The following CNTNAP2 variants were observed in gnomAD, a reference collection of about 807,000 sequenced individuals.
The protein encoded by CNTNAP2 is contactin associated protein 2, also known as contactin-associated protein-like 2.
CNTNAP2 carries 98 observed loss-of-function variants against 155.2 expected under a neutral mutation model. The observed-to-expected ratio is 0.63, with a 90% confidence interval of 0.54 to 0.75. The LOEUF (loss-of-function observed/expected upper bound fraction) is 0.75, where lower values mean the gene tolerates loss of function less well. Ranked by LOEUF, CNTNAP2 falls within the 30% of genes least tolerant of loss-of-function variation. The pLI is 0.00. For missense variants in CNTNAP2, 1,727 were observed against 1,688.1 expected, an observed-to-expected ratio of 1.02 and a Z score of -0.40; for synonymous variants, 651 against 631.2, an observed-to-expected ratio of 1.03 and a Z score of -0.47.
At chr7:148,345,851 T>TG (rs1178262914) in intron 21 of CNTNAP2, among the ~76,000 whole-genome samples, 14 of 152,350 alleles carry the variant, frequency 9.2e-5, no homozygotes, top group African/African-American at 3.1e-4. Flanking sequence ...TGACTGATTT[T>TG]TTTTTCTTGG....
At chr7:146,230,743 C>T (rs575335436) in intron 1 of CNTNAP2, among the ~76,000 whole-genome samples, 15 of 152,230 alleles carry the variant, frequency 9.9e-5, no homozygotes, top group African/African-American at 3.1e-4. Context: ...TGGCCGGGCA[C>T]GGTGGCTCAT....
At chr7:148,408,757 C>T (rs1019484375) in intron 22 of CNTNAP2, among the ~76,000 whole-genome samples, 2 of 152,128 alleles carry the variant, frequency 1.3e-5, no homozygotes, top group African/African-American at 4.8e-5. Context: ...TTGCCTTTAC[C>T]GGGCTTAAAA....
intron 1 of CNTNAP2, among the ~76,000 whole-genome samples, chr7:146,382,859 T>C (rs1320432970): frequency 1.3e-5 from 2 of 152,256 alleles, no homozygotes; most frequent in African/African-American, 4.8e-5. Flanking sequence ...TCAGAAAAAT[T>C]ATTTTTAAAA....
intron 3 of CNTNAP2, among the ~76,000 whole-genome samples, chr7:146,944,074 T>G (rs1263598891): frequency 6.6e-6 from 1 of 152,144 alleles, no homozygotes; most frequent in African/African-American, 2.4e-5. Flanking sequence ...TAAGTTTTGA[T>G]AAATTTGAAC....
chr7:147,883,455 T>G (rs540415021), intron 13 of CNTNAP2, among the ~76,000 whole-genome samples: 1 of 152,228 alleles, frequency 6.6e-6, no homozygotes, highest in African/African-American at 2.4e-5. Context: ...CAAATAAGAT[T>G]ATCACTTATG....
intron 9 of CNTNAP2, among the ~76,000 whole-genome samples, chr7:147,310,969 C>A (rs1584863643): frequency 6.6e-6 from 1 of 152,092 alleles, no homozygotes; most frequent in African/African-American, 2.4e-5. Flanking sequence ...ACCAAAGCCA[C>A]CTAACCAGAA....
chr7:146,777,057 C>CA (rs1254615962), intron 2 of CNTNAP2, among the ~76,000 whole-genome samples: 1 of 151,968 alleles, frequency 6.6e-6, no homozygotes, highest in South Asian at 2.1e-4. Context: ...GTTTCAAAAG[C>CA]AAAAAAACTA....
At position 146,483,004 on chromosome 7, in the gene CNTNAP2, C is replaced by T. The variant is rs138185498; in HGVS notation, c.98-291267C>T. On this transcript the variant is annotated intron_variant, in intron 1 of 23. Coordinates refer to ENST00000361727, the MANE Select transcript of CNTNAP2 (RefSeq NM_014141.6). Reference sequence around the variant, plus strand: ...AAAAAAATATTTTTAAGGCCGGGTGCGGTGGCTCACGCCTGTAATCCCAGC... The same window carrying T: ...AAAAAAATATTTTTAAGGCCGGGTGTGGTGGCTCACGCCTGTAATCCCAGC... Among the ~76,000 whole-genome samples the T allele has an allele frequency of 2.6e-4, 40 of 151,266 alleles. 1 individual carries two copies. The highest frequency in any genetic ancestry group is 5.2e-4 in the Non-Finnish European group (35 of 67,830).
chr7:148,350,108 T>TA (rs1798401444), intron 21 of CNTNAP2, among the ~76,000 whole-genome samples: 1 of 151,990 alleles, frequency 6.6e-6, no homozygotes, highest in South Asian at 2.1e-4. Context: ...AGTGGAGAGA[T>TA]ATGGTGGCTT....
chr7:146,944,654 G>A (rs1442793522), intron 3 of CNTNAP2, among the ~76,000 whole-genome samples: 1 of 152,018 alleles, frequency 6.6e-6, no homozygotes, highest in South Asian at 2.1e-4. Flanking sequence ...CAAGGTGGGC[G>A]GATCACGAGG....
chr7:146,543,439 A>C (rs914827517), intron 1 of CNTNAP2, among the ~76,000 whole-genome samples: 1 of 151,766 alleles, frequency 6.6e-6, no homozygotes, highest in Admixed American at 6.6e-5. Context: ...ATAAGTAAGG[A>C]TTGTTTTTCT....
intron 13 of CNTNAP2, among the ~76,000 whole-genome samples, chr7:147,688,358 C>G (rs915073677): frequency 1.3e-5 from 2 of 152,078 alleles, no homozygotes; most frequent in African/African-American, 4.8e-5. Flanking sequence ...ACCTCTAAAA[C>G]TCTGAAATGC....
intron 3 of CNTNAP2, among the ~76,000 whole-genome samples, chr7:146,861,831 A>G (rs1387833226): frequency 6.6e-6 from 1 of 152,166 alleles, no homozygotes; most frequent in Non-Finnish European, 1.5e-5. Context: ...GCGCCTTATA[A>G]ATATTTAAAA....
At chr7:148,294,061 A>G (rs929223658) in intron 21 of CNTNAP2, among the ~76,000 whole-genome samples, 1 of 151,046 alleles carries the variant, frequency 6.6e-6, no homozygotes, top group East Asian at 1.9e-4. Context: ...AAAAAAAAAA[A>G]AAAAAAGAAT....
At chr7:146,388,215 G>A (rs1795488446) in intron 1 of CNTNAP2, among the ~76,000 whole-genome samples, 1 of 151,640 alleles carries the variant, frequency 6.6e-6, no homozygotes, top group African/African-American at 2.4e-5. Flanking sequence ...AGGATCCCTT[G>A]AGCCCAGGAG....
At chr7:147,970,019 T>A (rs1801306588) in intron 14 of CNTNAP2, among the ~76,000 whole-genome samples, 1 of 151,968 alleles carries the variant, frequency 6.6e-6, no homozygotes, top group Non-Finnish European at 1.5e-5. Flanking sequence ...AGCCTCAACC[T>A]CCTGGGCTCA....
intron 21 of CNTNAP2, among the ~76,000 whole-genome samples, chr7:148,367,863 C>A (rs1347354283): frequency 6.6e-6 from 1 of 151,848 alleles, no homozygotes; most frequent in African/African-American, 2.4e-5. Context: ...GTAATTTGCA[C>A]CTCCTGAAGT....
intron 16 of CNTNAP2, among the ~76,000 whole-genome samples, chr7:148,144,990 G>A (rs750828383): frequency 6.6e-6 from 1 of 152,138 alleles, no homozygotes; most frequent in Non-Finnish European, 1.5e-5. Flanking sequence ...TGGGGGATGG[G>A]ATTTCTCAAA....
intron 12 of CNTNAP2, among the ~76,000 whole-genome samples, chr7:147,571,391 T>C (rs763217255): frequency 3.6e-4 from 55 of 151,562 alleles, no homozygotes; most frequent in Middle Eastern, 3.4e-3. Context: ...CTACAAGTAT[T>C]TTCTCTAATA....
Sources: gnomAD v4.1 joint callset for allele counts (sites outside exome capture counted in the v4.1 genomes callset) on GRCh38, gnomAD v4.1.1 for gene constraint, MANE v1.5 for transcripts, NCBI Gene and HGNC (gene_info 2026-07-23, HGNC 2026-07-21) for gene names.